Variants in ANKRD30BL observed in about 807,000 individuals in gnomAD.
The protein encoded by ANKRD30BL is putative ankyrin repeat domain-containing protein 30B-like.
A neutral mutation model predicts 18.4 loss-of-function variants in ANKRD30BL; 20 were observed. The ratio of observed to expected loss-of-function variants is 1.09; its 90% CI spans 0.77 to 1.58. The LOEUF is 1.58. Ranked by LOEUF, ANKRD30BL falls within the 40% of genes most tolerant of loss-of-function variation. ANKRD30BL has a pLI of 0.00. For synonymous variants in ANKRD30BL, 72 were observed against 100.9 expected (o/e 0.71, Z 1.72); for missense variants, 224 against 268.6 (o/e 0.83, Z 1.16).
chr2:132,159,298 A>G (rs1333681779), intron 1 of ANKRD30BL, among the ~76,000 whole-genome samples: 1 of 152,120 alleles, frequency 6.6e-6, no homozygotes, highest in Non-Finnish European at 1.5e-5. Context: ...TCATTATATG[A>G]ATTCTTCTTA....
intron 1 of ANKRD30BL, among the ~76,000 whole-genome samples, chr2:132,233,988 C>A (rs1680086544): frequency 6.6e-6 from 1 of 152,146 alleles, no homozygotes; most frequent in African/African-American, 2.4e-5. Flanking sequence ...CCAACTATCT[C>A]TCAGACCACA....
At position 132,156,412 on chromosome 2, in the gene ANKRD30BL, C is replaced by G. The variant is rs1286825971; in HGVS notation, c.507+561G>C. 2.0e-5 allele frequency: 3 copies of G among 151,956 alleles called. No individual in the cohort carries two copies. In the East Asian group the frequency reaches 5.8e-4, roughly 29 times the overall value. 9.4% of individuals were successfully genotyped at this position (151,956 alleles called of 1,614,324 possible). On this transcript the variant is annotated intron_variant, in intron 3 of 5. Transcript: ENST00000409867. ...TGTCTTCAATAACTTGAAATCTTTA[C>G]CCAAATGTACTATGAGAGAGGAATT...
At chr2:132,233,512 C>CA (rs1558730446) in intron 1 of ANKRD30BL, among the ~76,000 whole-genome samples, 1 of 141,214 alleles carries the variant, frequency 7.1e-6, no homozygotes, top group South Asian at 2.4e-4. Context: ...AAATGGAAAA[C>CA]AAAAAAAGGC....
At chr2:132,172,946 T>C (rs1005872473) in intron 1 of ANKRD30BL, among the ~76,000 whole-genome samples, 2 of 152,172 alleles carry the variant, frequency 1.3e-5, no homozygotes, top group Non-Finnish European at 1.5e-5. Flanking sequence ...GATCTTGTGA[T>C]CCACCCACCT....
In ANKRD30BL at chr2:132,148,241, G is replaced by C. The variant is rs28482039; in HGVS notation, c.680-13C>G. On this transcript the variant is annotated splice_polypyrimidine_tract_variant and intron_variant, in intron 5 of 5. Transcript: ENST00000409867. Reference sequence around the variant, plus strand: ...TCAGATGTTCCTTCTGCCAAACACAGAGTCTGGTTAAATTTTCCTTCGCTA... The same window carrying C: ...TCAGATGTTCCTTCTGCCAAACACACAGTCTGGTTAAATTTTCCTTCGCTA... The C allele has an allele frequency of 6.3e-7, 1 of 1,592,270 alleles. No homozygotes were observed. The highest frequency in any genetic ancestry group is 1.7e-5 in the Admixed American group (1 of 58,150).
intron 1 of ANKRD30BL, among the ~76,000 whole-genome samples, chr2:132,245,595 T>A (rs1007949260): frequency 5.9e-5 from 9 of 152,268 alleles, no homozygotes; most frequent in African/African-American, 2.2e-4. Context: ...TTGAGGCGTA[T>A]GGTGAAAAAG....
At chr2:132,254,781 G>A (rs79887166) in intron 1 of ANKRD30BL, among the ~76,000 whole-genome samples, 1 of 152,174 alleles carries the variant, frequency 6.6e-6, no homozygotes, top group African/African-American at 2.4e-5. Context: ...GGGGGATGCC[G>A]ACCGCTCCAG....
intron 1 of ANKRD30BL, among the ~76,000 whole-genome samples, chr2:132,159,047 A>G (rs867056777): frequency 1.3e-5 from 2 of 152,026 alleles, no homozygotes; most frequent in African/African-American, 4.8e-5. Context: ...AATCAAAGAT[A>G]ATAAAAAGGA....
rs553793926 is a variant in ANKRD30BL at position 132,184,322 on chromosome 2, G to A, written n.442-27176C>T. Among the ~76,000 whole-genome samples, 61 of 152,278 alleles carry A rather than the reference G, an allele frequency of 4.0e-4. 1 individual carries two copies. In the South Asian group the frequency reaches 0.013, roughly 32 times the overall value. ...TACATAGAACCTTATTTGTCTGCATGTCTGGTTTGTGAGCAGAGATTATTT... is the reference window on the plus strand; with the variant it reads ...TACATAGAACCTTATTTGTCTGCATATCTGGTTTGTGAGCAGAGATTATTT... On this transcript the variant is annotated intron_variant and non_coding_transcript_variant, in intron 1 of 4. Coordinates refer to the ANKRD30BL transcript ENST00000470729.
chr2:132,215,849 G>A (rs1184603622), intron 1 of ANKRD30BL, among the ~76,000 whole-genome samples: 1 of 151,970 alleles, frequency 6.6e-6, no homozygotes, highest in Non-Finnish European at 1.5e-5. Flanking sequence ...GAGGCCTAAG[G>A]TGAAAAATGA....
intron 1 of ANKRD30BL, among the ~76,000 whole-genome samples, chr2:132,211,814 T>C (rs200345494): frequency 9.9e-5 from 15 of 151,220 alleles, no homozygotes; most frequent in Non-Finnish European, 4.4e-5. Context: ...GTTGAACCTT[T>C]CTTTTCATTG....
intron 1 of ANKRD30BL, among the ~76,000 whole-genome samples, chr2:132,209,109 ACT>A (rs1679269561): frequency 6.7e-6 from 1 of 150,340 alleles, no homozygotes; most frequent in Non-Finnish European, 1.5e-5. Context: ...GTTTTGAAAC[ACT>A]CTTTTTGTAG....
At chr2:132,239,676 T>C (rs79057634) in intron 1 of ANKRD30BL, among the ~76,000 whole-genome samples, 1 of 151,934 alleles carries the variant, frequency 6.6e-6, no homozygotes, top group Non-Finnish European at 1.5e-5. Flanking sequence ...CTCAGAAACA[T>C]CTTTGTGATG....
In ANKRD30BL at chr2:132,176,243, A is replaced by C. The variant is rs533380986; in HGVS notation, n.442-19097T>G. On this transcript the variant is annotated intron_variant and non_coding_transcript_variant, in intron 1 of 4. Transcript: ENST00000470729. ...ACCTCACCTCTATTAAAAATACAAA[A>C]AACAGGCTGGGCACGGTGGTTCACG... is the stretch of plus-strand genomic sequence containing the variant. 2.0e-5 allele frequency among the ~76,000 whole-genome samples: 3 copies of C among 151,970 alleles called. No individual in the cohort carries two copies. In the South Asian group the frequency reaches 6.2e-4, roughly 32 times the overall value.
intron 1 of ANKRD30BL, among the ~76,000 whole-genome samples, chr2:132,226,537 A>G (rs1319096680): frequency 2.0e-5 from 3 of 152,052 alleles, no homozygotes; most frequent in African/African-American, 7.3e-5. Flanking sequence ...CATAAAATCT[A>G]GACAGAACCA....
chr2:132,148,267 A>G, intron 5 of ANKRD30BL, 39 bp from the exon 6 acceptor site: 1 of 1,555,168 alleles, frequency 6.4e-7, no homozygotes, highest in Non-Finnish European at 8.8e-7. Flanking sequence ...TCCTTCGCTA[A>G]ATATCATCCT....
At chr2:132,202,117 G>A (rs1679110710) in intron 1 of ANKRD30BL, among the ~76,000 whole-genome samples, 1 of 151,920 alleles carries the variant, frequency 6.6e-6, no homozygotes, top group African/African-American at 2.4e-5. Context: ...ACAGGAAGGG[G>A]AACATCACAC....
chr2:132,229,281 T>C (rs1001507804), intron 1 of ANKRD30BL, among the ~76,000 whole-genome samples: 2 of 152,118 alleles, frequency 1.3e-5, no homozygotes, highest in Non-Finnish European at 2.9e-5. Context: ...AGGAAATATC[T>C]TCACATAAAA....
intron 5 of ANKRD30BL, among the ~76,000 whole-genome samples, chr2:132,150,599 AATAG>A (rs1441778325): frequency 2.8e-4 from 42 of 152,054 alleles, no homozygotes; most frequent in African/African-American, 1.0e-3. Flanking sequence ...GGAAACATAA[AATAG>A]ATAAACTTAA....
Sources: gnomAD v4.1 joint callset for allele counts (sites outside exome capture counted in the v4.1 genomes callset) on GRCh38, gnomAD v4.1.1 for gene constraint, MANE v1.5 for transcripts, NCBI Gene and HGNC (gene_info 2026-07-23, HGNC 2026-07-21) for gene names.